Variants in KBTBD2 observed in about 807,000 individuals in gnomAD.
The protein encoded by KBTBD2 is kelch repeat and BTB domain-containing protein 2.
KBTBD2 carries 17 observed loss-of-function variants against 57.1 expected under a neutral mutation model. The ratio of observed to expected loss-of-function variants is 0.30; its 90% CI spans 0.20 to 0.45. The LOEUF is 0.45. Ranked by LOEUF, KBTBD2 falls within the 20% of genes least tolerant of loss-of-function variation. The pLI is 1.00. For missense variants in KBTBD2, 515 were observed against 750.6 expected (o/e 0.69, Z 3.67); for synonymous variants, 267 against 262.7 (o/e 1.02, Z -0.16).
Position 32,879,504 on chromosome 7 carries a change from A to C in KBTBD2, c.101T>G (p.Val34Gly), listed in dbSNP as rs1399813450. The C allele has an allele frequency of 6.2e-7, 1 of 1,613,206 alleles. No homozygotes were observed. The highest frequency in any genetic ancestry group is 8.5e-7 in the Non-Finnish European group (1 of 1,179,262). ...FYEQQLFTDI[V>G]LIVEGTEFPC... ...GAATTCAGTGCCCTCAACAATTAAC[A>C]CTATGTCAGTAAACAACTGCTGTTC... The change falls in exon 2 of 4, where the codon GTG (valine) becomes GGG (glycine). Residue 34 changes from valine (V) to glycine (G), a missense_variant. By Grantham distance (109) the Val-to-Gly change is moderately radical. Coordinates refer to ENST00000304056, the MANE Select transcript of KBTBD2 (RefSeq NM_015483.3).
chr7:32,879,477 G>A lies in KBTBD2; in HGVS notation c.128C>T (p.Pro43Leu), dbSNP rs778572234. The change falls in exon 2 of 4, where the codon CCT becomes CTT. Residue 43 changes from proline to leucine, a missense_variant. Physicochemically the swap from Pro to Leu is moderately conservative, Grantham distance 98. Coordinates refer to ENST00000304056, the MANE Select transcript of KBTBD2 (RefSeq NM_015483.3). ...TGTTGCAAGAACCATCTTATGACAA[G>A]GGAATTCAGTGCCCTCAACAATTAA... is the stretch of plus-strand genomic sequence containing the variant. The part of the protein sequence containing the change: ...IVLIVEGTEF[P>L]CHKMVLATCS... The A allele has an allele frequency of 3.1e-6, 5 of 1,612,756 alleles. No homozygotes were observed. The East Asian group carries it at 6.7e-5, about 22-fold the overall frequency.
rs576156330 is a variant in KBTBD2 at position 32,869,538 on chromosome 7, C to T, written c.1679G>A (p.Arg560Gln). The change falls in exon 4 of 4, where the codon CGG (arginine) becomes CAG (glutamine). Residue 560 changes from arginine to glutamine, a missense_variant. Arg to Gln is a conservative substitution (Grantham distance 43, BLOSUM62 1). Transcript: ENST00000304056. ...VTYQYDLELD[R>Q]WSLRQHISER... ...AGATATATGCTGCCGCAGAGACCAC[C>T]GGTCAAGTTCCAGGTCATATTGGTA... 8.9e-5 allele frequency: 144 copies of T among 1,614,032 alleles called. No individual in the cohort carries two copies. Among genetic ancestry groups the T allele is most frequent in the Admixed American group, 4.3e-4 (26 of 60,002 alleles).
rs1784123349 is a variant in KBTBD2, at chr7:32,869,719, CCA to C, written c.1496_1497del (p.Val499GlyfsTer4). ...SGTVDGSSVT[V>X]EIYDVNKNEW... ...TCATTTTTATTCACATCATAAATTT[CCA>C]CAGTTACTGAAGACCCATCTACAGT... On this transcript the variant is annotated frameshift_variant, in exon 4 of 4. Coordinates refer to ENST00000304056, the MANE Select transcript of KBTBD2 (RefSeq NM_015483.3). LOFTEE classifies it high-confidence loss of function. 2.5e-6 allele frequency: 4 copies of C among 1,613,944 alleles called. No individual in the cohort carries two copies. The highest frequency in any genetic ancestry group is 3.4e-6 in the Non-Finnish European group (4 of 1,180,006).
In KBTBD2 at chr7:32,869,768, G is replaced by A. The variant is rs377459152; in HGVS notation, c.1449C>T (p.Ser483=). The part of the protein sequence containing the change: ...YIGGLHIATN[S]GIRLPSGTVD... ...CAGTGCCAGAGGGGAGTCTTATGCC[G>A]GAATTGGTAGCAATATGCAACCCTC... The change falls in exon 4 of 4, where the codon TCC becomes TCT. Residue 483 remains serine (S), a synonymous_variant. Coordinates refer to ENST00000304056, the MANE Select transcript of KBTBD2 (RefSeq NM_015483.3). The A allele has an allele frequency of 1.5e-5, 25 of 1,613,858 alleles. No individual in the cohort carries two copies. The highest frequency in any genetic ancestry group is 1.2e-4 in the Admixed American group (7 of 59,978).
chr7:32,870,813 C>T lies in KBTBD2; in HGVS notation c.404G>A (p.Arg135Gln), dbSNP rs771844649. ...GAAGAGATCAGCAAAACTCAACAATCGTACACAATTCTCTGCATTTATTTT... is the reference window on the plus strand; with the variant it reads ...GAAGAGATCAGCAAAACTCAACAATTGTACACAATTCTCTGCATTTATTTT... ...IKKINAENCVRLLSFADLFSC... is the reference protein window; with the variant it reads ...IKKINAENCVQLLSFADLFSC... The change falls in exon 4 of 4, where the codon CGA becomes CAA. Residue 135 changes from arginine to glutamine, a missense_variant. Coordinates refer to ENST00000304056, the MANE Select transcript of KBTBD2 (RefSeq NM_015483.3). 13 of 1,610,972 alleles carry T rather than the reference C, an allele frequency of 8.1e-6. No individual in the cohort carries two copies. Among genetic ancestry groups the T allele is most frequent in the East Asian group, 4.5e-5 (2 of 44,872 alleles).
At chr7:32,888,670 G>A (rs532718654) in intron 1 of KBTBD2, among the ~76,000 whole-genome samples, 147 of 150,794 alleles carry the variant, frequency 9.7e-4, no homozygotes, top group Non-Finnish European at 1.8e-3. Flanking sequence ...ACTCCAGCCT[G>A]GGCGACACAG....
At chr7:32,874,762 G>A (rs1183205520) in intron 3 of KBTBD2, 2 of 364,660 alleles carry the variant, frequency 5.5e-6, no homozygotes, top group Non-Finnish European at 1.0e-5. Context: ...GGGAGGCCAA[G>A]GCAGGTGGAT....
intron 2 of KBTBD2, among the ~76,000 whole-genome samples, chr7:32,875,525 G>A (rs1784290440): frequency 6.6e-6 from 1 of 152,104 alleles, no homozygotes; most frequent in African/African-American, 2.4e-5. Context: ...TCCTGCCTCA[G>A]CCTCTGAAAG....
chr7:32,875,343 C>T (rs1404880490), intron 2 of KBTBD2, among the ~76,000 whole-genome samples, 186 bp from the exon 3 acceptor site: 1 of 152,180 alleles, frequency 6.6e-6, no homozygotes, highest in East Asian at 1.9e-4. Context: ...ACCATCATGG[C>T]TCACCACAGC....
chr7:32,888,589 G>T (rs1784641477), intron 1 of KBTBD2, among the ~76,000 whole-genome samples: 1 of 151,438 alleles, frequency 6.6e-6, no homozygotes, highest in Admixed American at 6.6e-5. Context: ...ACAAACACCT[G>T]GCCTTTTGAA....
At chr7:32,882,526 T>C (rs969796340) in intron 1 of KBTBD2, among the ~76,000 whole-genome samples, 3 of 152,218 alleles carry the variant, frequency 2.0e-5, no homozygotes, top group African/African-American at 7.2e-5. Flanking sequence ...AAAGTCATAC[T>C]CATTAACACA....
At chr7:32,882,492 T>C (rs990218824) in intron 1 of KBTBD2, among the ~76,000 whole-genome samples, 1 of 152,350 alleles carries the variant, frequency 6.6e-6, no homozygotes, top group East Asian at 1.9e-4. Flanking sequence ...TTAAAACAAT[T>C]GAAGTCTGCT....
chr7:32,888,752 C>A (rs1265202092), intron 1 of KBTBD2, among the ~76,000 whole-genome samples: 3 of 151,218 alleles, frequency 2.0e-5, no homozygotes, highest in Non-Finnish European at 1.5e-5. Context: ...ACATTCAGAG[C>A]TTAGGTCTGT....
At chr7:32,891,871 C>T (rs1583800250), upstream of KBTBD2, 1 of 129,448 alleles carries the variant, frequency 7.7e-6, no homozygotes, top group Non-Finnish European at 1.6e-5. Context: ...CGCGAGACGC[C>T]GGGCCCGCCG....
chr7:32,875,127 G>A lies in KBTBD2; in HGVS notation c.201C>T (p.Ser67=). The change falls in exon 3 of 4, where the codon AGC becomes AGT. Residue 67 remains serine, a synonymous_variant. Transcript: ENST00000304056. ...RAMFMSGLSE[S]KQTHVHLRNV... ...TCCTCAGGTGTACATGGGTTTGTTT[G>A]CTTTCACTTAGTCCACTCATAAACA... 1.2e-6 allele frequency: 2 copies of A among 1,614,158 alleles called. No individual in the cohort carries two copies. Among genetic ancestry groups the A allele is most frequent in the Non-Finnish European group, 1.7e-6 (2 of 1,179,988 alleles).
At chr7:32,874,213 CA>C (rs1653703243) in intron 3 of KBTBD2, among the ~76,000 whole-genome samples, 1 of 151,834 alleles carries the variant, frequency 6.6e-6, no homozygotes, top group African/African-American at 2.4e-5. Flanking sequence ...TTCTGGCTAA[CA>C]ACGGTGAAAC....
intron 1 of KBTBD2, among the ~76,000 whole-genome samples, chr7:32,884,542 T>C (rs1784521343): frequency 6.6e-6 from 1 of 151,548 alleles, no homozygotes; most frequent in Non-Finnish European, 1.5e-5. Context: ...ATACAAAAAT[T>C]AGCCTGGTGT....
chr7:32,882,348 G>T (rs776232263), intron 1 of KBTBD2, among the ~76,000 whole-genome samples: 1 of 152,176 alleles, frequency 6.6e-6, no homozygotes, highest in South Asian at 2.1e-4. Flanking sequence ...TTTCTTGCAG[G>T]CTAGCGGTAC....
chr7:32,878,002 C>G (rs1485351736), intron 2 of KBTBD2, among the ~76,000 whole-genome samples: 1 of 151,470 alleles, frequency 6.6e-6, no homozygotes, highest in Non-Finnish European at 1.5e-5. Flanking sequence ...ATCCCAGCTA[C>G]TTGTGAGGCT....
Sources: allele counts gnomAD v4.1 joint callset (sites outside exome capture counted in the v4.1 genomes callset), GRCh38; gene constraint gnomAD v4.1.1; transcripts MANE v1.5; gene names NCBI Gene and HGNC (gene_info 2026-07-23, HGNC 2026-07-21).